The following CSTL1 variants were observed in gnomAD, a reference collection of about 807,000 sequenced individuals.
CSTL1 encodes cystatin like 1.
CSTL1 carries 14 observed loss-of-function variants against 14.4 expected under a neutral mutation model. The ratio of observed to expected loss-of-function variants is 0.97; its 90% CI spans 0.64 to 1.52. CSTL1 has a LOEUF of 1.52. CSTL1 is among the 40% of genes most tolerant of loss of function. The pLI is 0.00. For missense variants in CSTL1, 170 were observed against 168.7 expected, an observed-to-expected ratio of 1.01 and a Z score of -0.04; for synonymous variants, 72 against 67.5, an observed-to-expected ratio of 1.07 and a Z score of -0.33.
chr20:23,460,093 C>T, the CSTL1 span, among the ~76,000 whole-genome samples: 5 of 152,202 alleles, frequency 3.3e-5, no homozygotes, highest in Non-Finnish European at 5.9e-5. Flanking sequence ...ACAAACCCTG[C>T]TGGCCTCCCC....
intron 2 of CSTL1, chr20:23,440,756 CTTTT>C (rs11346588): frequency 2.4e-3 from 848 of 359,172 alleles, no homozygotes; most frequent in Middle Eastern, 5.6e-3. Context: ...GGATTAAACT[CTTTT>C]TTTTTTTTTT....
In CSTL1 at chr20:23,444,759, C is replaced by T. The variant is rs774332160; in HGVS notation, c.331-12C>T. On this transcript the variant is annotated splice_polypyrimidine_tract_variant and intron_variant, in intron 3 of 3. Coordinates refer to ENST00000347397, the MANE Select transcript of CSTL1 (RefSeq NM_138283.1). ...ACTTCCCCCAAAGTCTGTTTTCTTT[C>T]TTCTTCTACAGAGTTTAATTTGCGA... The T allele has an allele frequency of 5.7e-6, 9 of 1,575,146 alleles. 1 individual carries two copies. The South Asian group carries it at 7.8e-5, about 14-fold the overall frequency.
chr20:23,449,534 AAGG>A (rs1443891285), downstream of CSTL1, among the ~76,000 whole-genome samples: 3 of 152,104 alleles, frequency 2.0e-5, no homozygotes, highest in African/African-American at 7.2e-5. Flanking sequence ...ACTGGATGTG[AAGG>A]AGGACACACC....
chr20:23,444,666 A>G (rs1485262718), intron 3 of CSTL1, 105 bp from the exon 4 acceptor site: 1 of 712,784 alleles, frequency 1.4e-6, no homozygotes, highest in East Asian at 2.6e-5. Flanking sequence ...CTCTCTGCCC[A>G]TGGGGTTCAT....
the CSTL1 span, chr20:23,452,454 G>A: frequency 2.9e-6 from 2 of 685,462 alleles, no homozygotes; most frequent in Admixed American, 2.3e-5. Flanking sequence ...GTGAATTTAT[G>A]CTTCTCTTAA....
chr20:23,444,988 G>A (rs2123316900), downstream of CSTL1: 1 of 737,558 alleles, frequency 1.4e-6, no homozygotes, highest in East Asian at 2.7e-5. Flanking sequence ...CACACAGAGT[G>A]TACACGTACA....
the CSTL1 span, chr20:23,452,713 G>T: frequency 6.2e-7 from 1 of 1,614,036 alleles, no homozygotes; most frequent in African/African-American, 1.3e-5. Flanking sequence ...CTTCATGGAC[G>T]CTTAGAAAGG....
At position 23,440,405 on chromosome 20, in the gene CSTL1, C is replaced by T. The variant is rs770367075; in HGVS notation, c.138C>T (p.Asn46=). The change falls in exon 2 of 4, where the codon AAC becomes AAT. Residue 46 remains asparagine (N), a synonymous_variant. Coordinates refer to ENST00000347397, the MANE Select transcript of CSTL1 (RefSeq NM_138283.1). ...AGAAGAACATGAATTCAACACTCAA[C>T]TTCTTCATTCAATCCTACAACAATG... ...MSKKNMNSTL[N]FFIQSYNNAS... 2.5e-6 allele frequency: 4 copies of T among 1,614,146 alleles called. No homozygotes were observed. Among genetic ancestry groups the T allele is most frequent in the Non-Finnish European group, 3.4e-6 (4 of 1,179,978 alleles).
downstream of CSTL1, among the ~76,000 whole-genome samples, chr20:23,447,988 C>T (rs961692311): frequency 6.6e-6 from 1 of 151,726 alleles, no homozygotes; most frequent in African/African-American, 2.4e-5. Context: ...CTATTTCTAT[C>T]TTTTTTTTGC....
downstream of CSTL1, among the ~76,000 whole-genome samples, chr20:23,448,613 A>T (rs1306035630): frequency 6.6e-6 from 1 of 152,202 alleles, no homozygotes; most frequent in East Asian, 1.9e-4. Context: ...CTAATTTTTT[A>T]AAAAACTTCA....
Position 23,440,021 on chromosome 20 carries a change from G to A in CSTL1, c.-124-123G>A, listed in dbSNP as rs533876169. The A allele has an allele frequency of 5.7e-6, 3 of 522,850 alleles. No individual in the cohort carries two copies. The African/African-American group carries it at 5.7e-5, about 10-fold the overall frequency. 32.4% of individuals were successfully genotyped at this position (522,850 alleles called of 1,614,324 possible). ...GAGAGGGGCTTGCACGCCTTAGCAG[G>A]TGTTTAAAAATTTTGCTTGCCTGGA... On this transcript the variant is annotated intron_variant, in intron 1 of 3. Transcript: ENST00000347397.
At chr20:23,460,611 T>TC in the CSTL1 span, among the ~76,000 whole-genome samples, 1 of 152,136 alleles carries the variant, frequency 6.6e-6, no homozygotes, top group African/African-American at 2.4e-5. Context: ...CAGGTGCCTT[T>TC]CTCTGAAGAT....
the CSTL1 span, among the ~76,000 whole-genome samples, chr20:23,456,769 T>G: frequency 2.0e-5 from 3 of 152,162 alleles, no homozygotes; most frequent in African/African-American, 7.2e-5. Flanking sequence ...GAGAACCTAT[T>G]TTTTTCAGCT....
At chr20:23,440,094 G>A in intron 1 of CSTL1, 50 bp from the exon 2 acceptor site, 1 of 664,056 alleles carries the variant, frequency 1.5e-6, no homozygotes, top group South Asian at 1.9e-5. Flanking sequence ...AAATGAACTG[G>A]CTGGAAACTG....
chr20:23,452,444 G>A, the CSTL1 span: 1 of 663,982 alleles, frequency 1.5e-6, no homozygotes, highest in South Asian at 1.8e-5. Context: ...CATCACCCTA[G>A]TGAATTTATG....
At chr20:23,448,473 C>T (rs1987009910), downstream of CSTL1, among the ~76,000 whole-genome samples, 1 of 152,174 alleles carries the variant, frequency 6.6e-6, no homozygotes, top group African/African-American at 2.4e-5. Context: ...GGCACACACA[C>T]AGTACCAATG....
the CSTL1 span, among the ~76,000 whole-genome samples, chr20:23,456,549 G>A: frequency 6.6e-6 from 1 of 152,076 alleles, no homozygotes; most frequent in Non-Finnish European, 1.5e-5. Flanking sequence ...CTGTTCTGGG[G>A]TCCCTTCCTG....
chr20:23,445,503 C>T (rs1053304159), downstream of CSTL1, among the ~76,000 whole-genome samples: 3 of 152,194 alleles, frequency 2.0e-5, no homozygotes, highest in African/African-American at 7.2e-5. Context: ...AAGTAATCCT[C>T]CTGCCTCAGT....
At chr20:23,439,955 C>A (rs905601923) in intron 1 of CSTL1, 149 bp downstream of exon 1, 7 of 403,368 alleles carry the variant, frequency 1.7e-5, no homozygotes, top group African/African-American at 1.4e-4. Flanking sequence ...ACTGTAGGGG[C>A]TGTTCTGGGG....
Sources: allele counts gnomAD v4.1 joint callset (sites outside exome capture counted in the v4.1 genomes callset), GRCh38; gene constraint gnomAD v4.1.1; transcripts MANE v1.5; gene names NCBI Gene and HGNC (gene_info 2026-07-23, HGNC 2026-07-21).